ANKEF1: variants seen among roughly 807,000 people sequenced by gnomAD.
ANKEF1 encodes ankyrin repeat and EF-hand domain-containing protein 1.
ANKEF1 carries 43 observed loss-of-function variants against 65.1 expected under a neutral mutation model. The observed-to-expected ratio is 0.66, with a 90% CI of 0.52 to 0.85. ANKEF1 has a LOEUF of 0.85. Ranked by LOEUF, ANKEF1 falls within the 40% of genes least tolerant of loss-of-function variation. The probability of loss-of-function intolerance (pLI) is 0.00; values close to 1 mark genes in which losing one functional copy is unlikely to be tolerated. For missense variants in ANKEF1, 934 were observed against 952.9 expected (o/e 0.98, Z 0.26); for synonymous variants, 316 against 341.5 (o/e 0.93, Z 0.82).
chr20:10,048,219 A>ATG (rs140100391), intron 6 of ANKEF1, among the ~76,000 whole-genome samples: 40,787 of 149,848 alleles, frequency 0.27, 5,734 homozygotes, highest in African/African-American at 0.34. Flanking sequence ...TAGTATAAAA[A>ATG]TGTGTGTGTG....
At chr20:10,041,569 TA>T in intron 3 of ANKEF1, among the ~76,000 whole-genome samples, 1 of 152,150 alleles carries the variant, frequency 6.6e-6, no homozygotes, top group East Asian at 1.9e-4. Flanking sequence ...TTTATTTCCT[TA>T]CCTGCTTTAC....
chr20:10,037,042 A>G (rs1479605639), intron 2 of ANKEF1, among the ~76,000 whole-genome samples: 1 of 152,172 alleles, frequency 6.6e-6, no homozygotes, highest in East Asian at 1.9e-4. Flanking sequence ...ACACATTTAA[A>G]GGAGAGAGAG....
chr20:10,039,838 C>T (rs1984067866), intron 3 of ANKEF1, among the ~76,000 whole-genome samples: 1 of 151,950 alleles, frequency 6.6e-6, no homozygotes, highest in Admixed American at 6.6e-5. Context: ...ATTTATTTGA[C>T]CACAAAATAA....
intron 2 of ANKEF1, among the ~76,000 whole-genome samples, chr20:10,037,623 A>G (rs1983935901): frequency 6.6e-6 from 1 of 152,202 alleles, no homozygotes; most frequent in African/African-American, 2.4e-5. Flanking sequence ...AACTGGTCAT[A>G]CCTAGCATGG....
At chr20:10,052,986 T>C in intron 8 of ANKEF1, 126 bp from the exon 9 acceptor site, 3 of 885,312 alleles carry the variant, frequency 3.4e-6, no homozygotes, top group Non-Finnish European at 5.0e-6. Flanking sequence ...TCTGTATATA[T>C]ACCCCTTGCT....
intron 3 of ANKEF1, among the ~76,000 whole-genome samples, chr20:10,039,678 ATTTCCCAAAGTGTG>A (rs1362707718): frequency 6.6e-6 from 1 of 152,240 alleles, no homozygotes; most frequent in East Asian, 1.9e-4. Context: ...ATAGTATACC[ATTTCCCAAAGTGTG>A]TTCCATGGAC....
At position 10,044,507 on chromosome 20, in the gene ANKEF1, C is replaced by T. The variant is rs1447552837; in HGVS notation, c.660C>T (p.His220=). The T allele has an allele frequency of 3.7e-6, 6 of 1,614,074 alleles. No individual in the cohort carries two copies. Among genetic ancestry groups the T allele is most frequent in the Non-Finnish European group, 5.1e-6 (6 of 1,179,974 alleles). Residue 220 remains histidine (H), a synonymous_variant, in exon 5 of 11, where the codon CAC becomes CAT. Coordinates refer to ENST00000378392, the MANE Select transcript of ANKEF1 (RefSeq NM_022096.6). ...EVNAFDNDRH[H]AAHFAAKGGF... ...ATGCATTTGACAACGACAGGCATCA[C>T]GCTGCTCATTTTGCTGCTAAAGGAG...
Position 10,050,209 on chromosome 20 carries a change from AAG to A in ANKEF1, c.1641_1642del (p.Gly548SerfsTer2), listed in dbSNP as rs1437743061. 7 of 1,604,442 alleles carry A rather than the reference AAG, an allele frequency of 4.4e-6. No homozygotes were observed. Among genetic ancestry groups the A allele is most frequent in the Non-Finnish European group, 5.1e-6 (6 of 1,174,828 alleles). On this transcript the variant is annotated frameshift_variant and splice_region_variant, in exon 7 of 11. Coordinates refer to ENST00000378392, the MANE Select transcript of ANKEF1 (RefSeq NM_022096.6). LOFTEE classifies it high-confidence loss of function. ...GATGTGGTCAAGTTTCTTCTTGAAA[AAG>A]GGTACGCGTCTCCGTCGGGTGTGGC...
At chr20:10,038,742 G>T (rs962114474) in intron 3 of ANKEF1, 95 bp downstream of exon 3, 8 of 960,700 alleles carry the variant, frequency 8.3e-6, no homozygotes, top group African/African-American at 8.3e-5. Context: ...CTTTAGAAGT[G>T]AATTACTTAT....
chr20:10,051,599 C>A, intron 7 of ANKEF1, 64 bp from the exon 8 acceptor site: 2 of 1,272,144 alleles, frequency 1.6e-6, no homozygotes, highest in Non-Finnish European at 2.2e-6. Flanking sequence ...TCTTACTTTG[C>A]ATTTTTAGTG....
At chr20:10,053,797 T>C (rs1475018898) in intron 9 of ANKEF1, among the ~76,000 whole-genome samples, 1 of 152,196 alleles carries the variant, frequency 6.6e-6, no homozygotes, top group Non-Finnish European at 1.5e-5. Flanking sequence ...GTCTCTAGAA[T>C]ATCCTGCAAA....
rs1984006530 is a variant in ANKEF1 at position 10,038,633 on chromosome 20, A to G, written c.332A>G (p.Asp111Gly). The G allele has an allele frequency of 1.3e-6, 2 of 1,588,580 alleles. No homozygotes were observed. Among genetic ancestry groups the G allele is most frequent in the African/African-American group, 2.7e-5 (2 of 74,178 alleles). Residue 111 changes from aspartate (D) to glycine (G), a missense_variant, in exon 3 of 11, where the codon GAT becomes GGT. Transcript: ENST00000378392. ...AKAKADMTIV[D>G]NEGKGVLFYC... ...GCAAAGGCTGATATGACTATAGTTG[A>G]TAATGAAGGAAAAGGTAAAAATCCC...
In ANKEF1 at chr20:10,038,611, A is replaced by G. The variant is rs1283538146; in HGVS notation, c.310A>G (p.Lys104Glu). 1 of 1,613,410 alleles carries G rather than the reference A, an allele frequency of 6.2e-7. No individual in the cohort carries two copies. The highest frequency in any genetic ancestry group is 8.5e-7 in the Non-Finnish European group (1 of 1,179,512). The change falls in exon 3 of 11, where the codon AAG (lysine) becomes GAG (glutamate). Residue 104 changes from lysine (K) to glutamate (E), a missense_variant. Lys to Glu is a moderately conservative substitution (Grantham distance 56). Coordinates refer to ENST00000378392, the MANE Select transcript of ANKEF1 (RefSeq NM_022096.6). ...ELSMEILAKA[K>E]ADMTIVDNEG... ...GTCAATGGAAATATTAGCAAAGGCA[A>G]AGGCTGATATGACTATAGTTGATAA...
Position 10,043,075 on chromosome 20 carries a change from A to G in ANKEF1, c.347-47A>G, listed in dbSNP as rs1251939101. ...ATAATTTTACTTTCCTTCCTGTCAA[A>G]TATGTATAGATGTTAAATACTCTCT... is the stretch of plus-strand genomic sequence containing the variant. On this transcript the variant is annotated intron_variant, in intron 3 of 10. Transcript: ENST00000378392. 2.6e-6 allele frequency: 4 copies of G among 1,559,918 alleles called. No homozygotes were observed. In the Admixed American group the frequency reaches 5.3e-5, roughly 21 times the overall value.
rs766809004 is a variant in ANKEF1, at chr20:10,038,315, A to G, written c.14A>G (p.Asp5Gly). 1.3e-6 allele frequency: 2 copies of G among 1,562,670 alleles called. No homozygotes were observed. Among genetic ancestry groups the G allele is most frequent in the South Asian group, 1.2e-5 (1 of 82,132 alleles). The change falls in exon 3 of 11, where the codon GAT becomes GGT. Residue 5 changes from aspartate to glycine, a missense_variant. Asp to Gly is a moderately conservative substitution (Grantham distance 94). Coordinates refer to ENST00000378392, the MANE Select transcript of ANKEF1 (RefSeq NM_022096.6). ...AGCTGGTCAAGCATGGCTTTAGCAGATAAGAGACTTGAGAACTTACAGATC... is the reference window on the plus strand; with the variant it reads ...AGCTGGTCAAGCATGGCTTTAGCAGGTAAGAGACTTGAGAACTTACAGATC... The part of the protein sequence containing the change: MALA[D>G]KRLENLQIYK...
intron 8 of ANKEF1, 74 bp downstream of exon 8, chr20:10,051,963 C>G (rs1431675679): frequency 1.7e-6 from 2 of 1,164,230 alleles, no homozygotes; most frequent in Non-Finnish European, 1.2e-6. Context: ...CCTTCTGATT[C>G]TATTCTCGTA....
chr20:10,045,528 A>G (rs1262064587), intron 5 of ANKEF1, 46 bp from the exon 6 acceptor site: 1 of 1,597,286 alleles, frequency 6.3e-7, no homozygotes, highest in South Asian at 1.1e-5. Flanking sequence ...TTATATAGTA[A>G]ATGTACATTC....
In ANKEF1 at chr20:10,045,601, G is replaced by A. The variant is rs749498600; in HGVS notation, c.724G>A (p.Gly242Arg). The A allele has an allele frequency of 1.2e-6, 2 of 1,613,676 alleles. No homozygotes were observed. The highest frequency in any genetic ancestry group is 1.7e-6 in the Non-Finnish European group (2 of 1,179,748). ...ATTGAAGCTTCTTTTTGCCTACAATGGAGACGTGGGGCTGATTTCGATAAA... is the reference window on the plus strand; with the variant it reads ...ATTGAAGCTTCTTTTTGCCTACAATAGAGACGTGGGGCTGATTTCGATAAA... The part of the protein sequence containing the change: ...DILKLLFAYN[G>R]DVGLISINGN... Residue 242 changes from glycine to arginine, a missense_variant, in exon 6 of 11, where the codon GGA becomes AGA. Transcript: ENST00000378392.
At position 10,049,851 on chromosome 20, in the gene ANKEF1, A is replaced by T; in HGVS notation, c.1282A>T (p.Lys428Ter). 2 of 1,614,166 alleles carry T rather than the reference A, an allele frequency of 1.2e-6. No individual in the cohort carries two copies. The highest frequency in any genetic ancestry group is 2.2e-5 in the South Asian group (2 of 91,088). Residue 428 changes from lysine to a stop codon, truncating the protein, a stop_gained, in exon 7 of 11, where the codon AAA (lysine) becomes TAA (stop). Coordinates refer to ENST00000378392, the MANE Select transcript of ANKEF1 (RefSeq NM_022096.6). LOFTEE classifies it high-confidence loss of function. ...GATGGGCAAAAAAGGAAAGAAAGGG[A>T]AATTTGTCTTACCCCTTCCAATCTG... ...KGMGKKGKKG[K>*]FVLPLPICVI...
Sources: gnomAD v4.1 joint callset for allele counts (sites outside exome capture counted in the v4.1 genomes callset) on GRCh38, gnomAD v4.1.1 for gene constraint, MANE v1.5 for transcripts, NCBI Gene and HGNC (gene_info 2026-07-23, HGNC 2026-07-21) for gene names.